The following PTH2R variants were observed in gnomAD, a reference collection of about 807,000 sequenced individuals.
The protein encoded by PTH2R is PTH2 receptor.
A neutral mutation model predicts 60.3 loss-of-function variants in PTH2R; 59 were observed. The ratio of observed to expected loss-of-function variants is 0.98; its 90% CI spans 0.79 to 1.22. The LOEUF is 1.22. Among genes scored for constraint, PTH2R ranks in the 50% most tolerant of loss-of-function variants. The pLI is 0.00. For synonymous variants in PTH2R, 256 were observed against 243.8 expected, an observed-to-expected ratio of 1.05 and a Z score of -0.47; for missense variants, 749 against 682.6, an observed-to-expected ratio of 1.10 and a Z score of -1.08.
intron 1 of PTH2R, among the ~76,000 whole-genome samples, chr2:208,400,112 G>A (rs543380692): frequency 3.9e-5 from 6 of 152,180 alleles, no homozygotes; most frequent in African/African-American, 7.2e-5. Context: ...TTCTTTCAGC[G>A]ATTTGACCTA....
intron 8 of PTH2R, among the ~76,000 whole-genome samples, chr2:208,459,199 A>G (rs1356591181): frequency 1.3e-5 from 2 of 152,024 alleles, no homozygotes; most frequent in African/African-American, 4.8e-5. Context: ...ATTTCTCTAG[A>G]TATTTTAACC....
At chr2:208,479,540 C>T (rs1489705155) in intron 9 of PTH2R, among the ~76,000 whole-genome samples, 1 of 152,210 alleles carries the variant, frequency 6.6e-6, no homozygotes, top group East Asian at 1.9e-4. Flanking sequence ...TGAAATAAAT[C>T]TTGTCATTCA....
intron 1 of PTH2R, among the ~76,000 whole-genome samples, chr2:208,373,589 G>T (rs1007664619): frequency 1.3e-5 from 2 of 152,114 alleles, no homozygotes; most frequent in African/African-American, 4.8e-5. Flanking sequence ...CATACTGTTG[G>T]AGGAAGAGGG....
intron 9 of PTH2R, among the ~76,000 whole-genome samples, chr2:208,480,399 T>G (rs1703119643): frequency 6.6e-6 from 1 of 152,108 alleles, no homozygotes; most frequent in Admixed American, 6.5e-5. Flanking sequence ...TGGAGACATG[T>G]TCTTCATCTT....
intron 1 of PTH2R, among the ~76,000 whole-genome samples, chr2:208,381,269 AT>A (rs957870537): frequency 6.6e-6 from 1 of 152,028 alleles, no homozygotes; most frequent in Admixed American, 6.5e-5. Context: ...TTAAAAAAAA[AT>A]CTACTTGAAC....
At chr2:208,457,411 G>GGCT in intron 8 of PTH2R, among the ~76,000 whole-genome samples, 1 of 152,288 alleles carries the variant, frequency 6.6e-6, no homozygotes, top group East Asian at 1.9e-4. Context: ...ATTTCATTTT[G>GGCT]GCTGGACCAG....
intron 7 of PTH2R, among the ~76,000 whole-genome samples, chr2:208,446,862 A>G (rs1375342823): frequency 1.3e-5 from 2 of 152,224 alleles, no homozygotes; most frequent in East Asian, 1.9e-4. Flanking sequence ...TAAATGATCA[A>G]AAACATTATA....
At chr2:208,401,704 C>T (rs1035703521) in intron 1 of PTH2R, among the ~76,000 whole-genome samples, 1 of 152,156 alleles carries the variant, frequency 6.6e-6, no homozygotes, top group African/African-American at 2.4e-5. Context: ...TCAGCATCCT[C>T]CATTGGGTCA....
In PTH2R at chr2:208,401,578, T is replaced by C. The variant is rs116008492; in HGVS notation, c.-258-26623T>C. Among the ~76,000 whole-genome samples the C allele has an allele frequency of 8.6e-3, 1,303 of 152,238 alleles. 24 individuals carry two copies. Among genetic ancestry groups the C allele is most frequent in the African/African-American group, 0.029 (1,224 of 41,538 alleles). On this transcript the variant is annotated intron_variant, in intron 1 of 12. Transcript: ENST00000617735. Reference sequence around the variant, plus strand: ...TTTTTTTTAAACTTAATCCTTTTCCTCCTCAGGGTTTGCAGCCACCCTTCT... The same window carrying C: ...TTTTTTTTAAACTTAATCCTTTTCCCCCTCAGGGTTTGCAGCCACCCTTCT...
At chr2:208,373,704 A>G (rs1700743776) in intron 1 of PTH2R, among the ~76,000 whole-genome samples, 1 of 152,084 alleles carries the variant, frequency 6.6e-6, no homozygotes, top group South Asian at 2.1e-4. Flanking sequence ...AAATTTCCAC[A>G]TTTTAATCTG....
intron 10 of PTH2R, 80 bp from the exon 11 acceptor site, chr2:208,488,932 T>C: frequency 6.1e-6 from 1 of 164,868 alleles, no homozygotes; most frequent in Non-Finnish European, 1.1e-5. Flanking sequence ...CTCTGCTAAG[T>C]TTTTTTTTTC....
intron 9 of PTH2R, among the ~76,000 whole-genome samples, chr2:208,472,041 A>G (rs1702893758): frequency 6.6e-6 from 1 of 152,092 alleles, no homozygotes; most frequent in Non-Finnish European, 1.5e-5. Context: ...AATTTATCCC[A>G]TTTGGAATGG....
At chr2:208,422,276 T>C (rs751013163) in intron 1 of PTH2R, among the ~76,000 whole-genome samples, 9 of 152,184 alleles carry the variant, frequency 5.9e-5, no homozygotes, top group Non-Finnish European at 1.0e-4. Flanking sequence ...AGTCTACTGA[T>C]TCAAAGGTTA....
At chr2:208,474,945 A>G (rs775649670) in intron 9 of PTH2R, among the ~76,000 whole-genome samples, 2 of 152,214 alleles carry the variant, frequency 1.3e-5, no homozygotes, top group African/African-American at 4.8e-5. Context: ...GAGTTTTATT[A>G]AAATGGTAAC....
Position 208,360,265 on chromosome 2 carries a change from C to T in PTH2R, c.-259+28C>T, listed in dbSNP as rs1013140511. 7.1e-6 allele frequency: 3 copies of T among 422,776 alleles called. No individual in the cohort carries two copies. In the East Asian group the frequency reaches 2.2e-4, roughly 31 times the overall value. 26.2% of individuals were successfully genotyped at this position (422,776 alleles called of 1,614,324 possible). A position where few individuals can be genotyped will look rare whatever the true frequency, so the allele number is the denominator to read the frequency against. On this transcript the variant is annotated intron_variant, in intron 1 of 12. Coordinates refer to the PTH2R transcript ENST00000617735. ...AAGAAGAGCGCCCCACTTGTTCTCC[C>T]GCCTTCTGCGTGAGCAGCCCCTACG...
At chr2:208,375,667 G>GGTGATGTGAT (rs908226775) in intron 1 of PTH2R, among the ~76,000 whole-genome samples, 1 of 152,100 alleles carries the variant, frequency 6.6e-6, no homozygotes, top group Non-Finnish European at 1.5e-5. Flanking sequence ...CAGCCTGTGA[G>GGTGATGTGAT]GTGATGTGAT....
At chr2:208,422,862 G>T (rs907653195) in intron 1 of PTH2R, among the ~76,000 whole-genome samples, 8 of 152,028 alleles carry the variant, frequency 5.3e-5, no homozygotes, top group Non-Finnish European at 1.2e-4. Flanking sequence ...CTTCCCAGAA[G>T]GATCCCTTCT....
chr2:208,435,548 C>T (rs1475105002), intron 2 of PTH2R, among the ~76,000 whole-genome samples: 1 of 152,182 alleles, frequency 6.6e-6, no homozygotes, highest in Non-Finnish European at 1.5e-5. Context: ...AGGACTCAAC[C>T]TGCCTTGCTG....
Position 208,444,885 on chromosome 2 carries a change from G to A in PTH2R, c.851G>A (p.Trp284Ter), listed in dbSNP as rs148627602. The change falls in exon 7 of 13, where the codon TGG becomes TAG. Residue 284 changes from tryptophan (W) to a stop codon, truncating the protein, a stop_gained and splice_region_variant. Transcript: ENST00000272847. LOFTEE classifies it high-confidence loss of function. Reference protein sequence around the residue: ...KYLWGFILIGWGFPAAFVAAW... With the variant: ...KYLWGFILIG ...CTGTGGGGCTTCATCTTGATAGGCT[G>A]GGGTAAGACATTTATATCTCTGTTC... The A allele has an allele frequency of 2.6e-4, 421 of 1,611,898 alleles. No individual in the cohort carries two copies. The highest frequency in any genetic ancestry group is 2.1e-4 in the Non-Finnish European group (243 of 1,178,946).
Sources: gnomAD v4.1 joint callset for allele counts (sites outside exome capture counted in the v4.1 genomes callset) on GRCh38, gnomAD v4.1.1 for gene constraint, MANE v1.5 for transcripts, NCBI Gene and HGNC (gene_info 2026-07-23, HGNC 2026-07-21) for gene names.